The following CD200R1 variants were observed in gnomAD, a reference collection of about 807,000 sequenced individuals.
The protein encoded by CD200R1 is CD200 receptor 1, also known as cell surface glycoprotein CD200 receptor 1.
Under a neutral mutation model 38.1 loss-of-function variants are expected in CD200R1, and 30 were observed. That is an observed-to-expected ratio of 0.79 (90% CI 0.59 to 1.07). The LOEUF (loss-of-function observed/expected upper bound fraction) is 1.07. Ranked by LOEUF, CD200R1 falls within the 50% of genes least tolerant of loss-of-function variation. The probability of loss-of-function intolerance (pLI) is 0.00; values close to 1 mark genes in which losing one functional copy is unlikely to be tolerated. For missense variants in CD200R1, 372 were observed against 415.4 expected, an observed-to-expected ratio of 0.90 and a Z score of 0.91; for synonymous variants, 128 against 152.1, an observed-to-expected ratio of 0.84 and a Z score of 1.16.
chr3:112,923,814 A>C lies in CD200R1; in HGVS notation c.925-15T>G. On this transcript the variant is annotated splice_polypyrimidine_tract_variant and intron_variant, in intron 7 of 7. Coordinates refer to ENST00000308611, the MANE Select transcript of CD200R1 (RefSeq NM_138806.4). ...TGCATTTCATCCTAAGAAAGAACTC[A>C]AAGTTAAAATCAATTCAAAAAATCA... is the stretch of plus-strand genomic sequence containing the variant. 4.0e-6 allele frequency: 6 copies of C among 1,502,730 alleles called. No individual in the cohort carries two copies. Among genetic ancestry groups the C allele is most frequent in the African/African-American group, 1.4e-5 (1 of 70,816 alleles). 93.1% of individuals were successfully genotyped at this position (1,502,730 alleles called of 1,614,324 possible).
chr3:112,938,915 G>C (rs1175146108), intron 2 of CD200R1, among the ~76,000 whole-genome samples: 1 of 151,798 alleles, frequency 6.6e-6, no homozygotes, highest in East Asian at 1.9e-4. Flanking sequence ...AAAACATCAG[G>C]CACCATAATC....
At chr3:112,947,741 A>G (rs1260654170) in intron 2 of CD200R1, 115 bp downstream of exon 2, 8 of 622,044 alleles carry the variant, frequency 1.3e-5, no homozygotes, top group South Asian at 1.1e-4. Context: ...CTTAAATATA[A>G]TATCATTTAG....
chr3:112,955,659 C>T (rs563040021), intron 1 of CD200R1, among the ~76,000 whole-genome samples: 1 of 152,112 alleles, frequency 6.6e-6, no homozygotes, highest in African/African-American at 2.4e-5. Flanking sequence ...CAGGTGCCCA[C>T]CACTACTGAT....
In CD200R1 at chr3:112,922,274, A is replaced by C. The variant is rs1940185187; in HGVS notation, c.*1403T>G. The stretch of plus-strand genomic sequence containing the variant: ...GTTTCAATTTCTATCATGATGAAAA[A>C]ACTTCTCATGTTTTTTCTGCTATGG... On this transcript the variant is annotated 3_prime_UTR_variant, in exon 8 of 8. Coordinates refer to ENST00000308611, the MANE Select transcript of CD200R1 (RefSeq NM_138806.4). 1 of 151,998 alleles carries C rather than the reference A, an allele frequency of 6.6e-6. No individual in the cohort carries two copies. The highest frequency in any genetic ancestry group is 6.6e-5 in the Admixed American group (1 of 15,214). The allele number at this position is 151,998 out of a possible 1,614,324, so 9.4% of individuals were successfully genotyped here. A position where few individuals can be genotyped will look rare whatever the true frequency, so the allele number is the denominator to read the frequency against.
chr3:112,925,101 T>G lies in CD200R1; in HGVS notation c.862A>C (p.Lys288Gln), dbSNP rs1559943100. ...AGTCAATACCTGCAGCCATTGACTTTCAACAACCAAATGAATCCCACGATG... is the reference window on the plus strand; with the variant it reads ...AGTCAATACCTGCAGCCATTGACTTGCAACAACCAAATGAATCCCACGATG... ...LTIVGFIWLL[K>Q]VNGCRKYKLN... is the part of the protein sequence containing the mutation. The change falls in exon 6 of 8, where the codon AAA becomes CAA. Residue 288 changes from lysine to glutamine, a missense_variant. By Grantham distance (53) the Lys-to-Gln change is moderately conservative (BLOSUM62 1). Coordinates refer to ENST00000308611, the MANE Select transcript of CD200R1 (RefSeq NM_138806.4). 1.3e-6 allele frequency: 2 copies of G among 1,588,870 alleles called. No individual in the cohort carries two copies. Among genetic ancestry groups the G allele is most frequent in the Admixed American group, 3.4e-5 (2 of 59,646 alleles).
intron 7 of CD200R1, among the ~76,000 whole-genome samples, chr3:112,924,107 GA>G (rs1940230201): frequency 1.3e-5 from 2 of 152,038 alleles, no homozygotes; most frequent in South Asian, 4.2e-4. Flanking sequence ...TATAATAAGA[GA>G]TGAAGGAGCA....
At chr3:112,960,673 G>C (rs545795449) in intron 1 of CD200R1, among the ~76,000 whole-genome samples, 2 of 151,878 alleles carry the variant, frequency 1.3e-5, no homozygotes, top group Non-Finnish European at 2.9e-5. Context: ...GAAAAGCAGG[G>C]AGTAACTATA....
intron 2 of CD200R1, 86 bp from the exon 3 acceptor site, chr3:112,931,257 ACATGATAGGCAAT>A: frequency 1.3e-6 from 1 of 764,526 alleles, no homozygotes. Context: ...GTCTTATCCA[ACATGATAGGCAAT>A]CAGTTAACCA....
At chr3:112,957,091 T>TC in intron 1 of CD200R1, among the ~76,000 whole-genome samples, 2 of 152,184 alleles carry the variant, frequency 1.3e-5, no homozygotes, top group South Asian at 4.2e-4. Context: ...TTCCCCTCTT[T>TC]CCCCCAAGTA....
chr3:112,955,412 T>C (rs1392299095), intron 1 of CD200R1, among the ~76,000 whole-genome samples: 1 of 152,204 alleles, frequency 6.6e-6, no homozygotes, highest in Non-Finnish European at 1.5e-5. Context: ...ATTTAGGTGC[T>C]TCAATGTTGG....
intron 1 of CD200R1, among the ~76,000 whole-genome samples, chr3:112,957,934 G>A (rs1313476878): frequency 6.6e-6 from 1 of 152,094 alleles, no homozygotes; most frequent in Non-Finnish European, 1.5e-5. Context: ...AAAACATAGT[G>A]AGATAATGAT....
intron 1 of CD200R1, among the ~76,000 whole-genome samples, chr3:112,967,449 C>T (rs1365044492): frequency 2.6e-5 from 4 of 152,226 alleles, no homozygotes; most frequent in Non-Finnish European, 5.9e-5. Flanking sequence ...TTAGACTCAC[C>T]AGTTACACAT....
chr3:112,967,143 A>C (rs907141606), intron 1 of CD200R1, among the ~76,000 whole-genome samples: 2 of 151,876 alleles, frequency 1.3e-5, no homozygotes, highest in Admixed American at 6.6e-5. Flanking sequence ...TCTACAAGCT[A>C]TCTTTCTCCT....
chr3:112,947,382 G>A (rs762131589), intron 2 of CD200R1, among the ~76,000 whole-genome samples: 10 of 152,010 alleles, frequency 6.6e-5, no homozygotes, highest in African/African-American at 2.2e-4. Context: ...CACATGTGGG[G>A]GCAGAGGTCA....
chr3:112,964,618 G>T (rs1348528821), intron 1 of CD200R1, among the ~76,000 whole-genome samples: 6 of 152,238 alleles, frequency 3.9e-5, no homozygotes, highest in African/African-American at 1.2e-4. Flanking sequence ...TATCTAGGAA[G>T]TAACTAACTT....
At chr3:112,926,393 G>A (rs1273383883) in intron 5 of CD200R1, among the ~76,000 whole-genome samples, 4 of 152,122 alleles carry the variant, frequency 2.6e-5, no homozygotes, top group Non-Finnish European at 5.9e-5. Flanking sequence ...AAAATTAAAT[G>A]TTTGGTTACA....
chr3:112,930,275 T>C (rs6772799), intron 3 of CD200R1, among the ~76,000 whole-genome samples: 89,348 of 152,016 alleles, frequency 0.59, 26,671 homozygotes, highest in African/African-American at 0.69. Flanking sequence ...TTAGACATTT[T>C]TTATTAAAAA....
At chr3:112,924,429 G>A in intron 7 of CD200R1, 61 bp downstream of exon 7, 3 of 1,203,878 alleles carry the variant, frequency 2.5e-6, no homozygotes, top group Non-Finnish European at 2.2e-6. Context: ...TACAAATTAT[G>A]TTGCTAGATT....
At chr3:112,941,186 T>C (rs1381554512) in intron 2 of CD200R1, among the ~76,000 whole-genome samples, 1 of 151,500 alleles carries the variant, frequency 6.6e-6, no homozygotes, top group East Asian at 1.9e-4. Flanking sequence ...GGAAATTTGT[T>C]AAAGGGCACA....
Sources: gnomAD v4.1 joint callset for allele counts (sites outside exome capture counted in the v4.1 genomes callset) on GRCh38, gnomAD v4.1.1 for gene constraint, MANE v1.5 for transcripts, NCBI Gene and HGNC (gene_info 2026-07-23, HGNC 2026-07-21) for gene names.